DRC9: variants seen among roughly 807,000 people sequenced by gnomAD.
The protein encoded by DRC9 is dynein regulatory complex protein 9.
chr3:197,932,144 CA>C, the DRC9 span: 1 of 1,601,886 alleles, frequency 6.2e-7, no homozygotes. Flanking sequence ...TAAAATACAG[CA>C]AAGCAAGTAA....
the DRC9 span, among the ~76,000 whole-genome samples, chr3:197,915,688 G>C: frequency 4.7e-4 from 71 of 151,950 alleles, no homozygotes; most frequent in African/African-American, 1.7e-3. Context: ...GGAGTGTAGT[G>C]GCATGATCTT....
the DRC9 span, among the ~76,000 whole-genome samples, chr3:197,907,982 T>C: frequency 7.0e-6 from 1 of 142,646 alleles, no homozygotes; most frequent in African/African-American, 2.7e-5. Context: ...AGAGCAACCC[T>C]TTCCCAGGCA....
At chr3:197,904,576 A>G in the DRC9 span, among the ~76,000 whole-genome samples, 1 of 152,126 alleles carries the variant, frequency 6.6e-6, no homozygotes, top group South Asian at 2.1e-4. Context: ...GGATAAAGAA[A>G]AGGTGGGGCC....
chr3:197,942,841 G>C, the DRC9 span, among the ~76,000 whole-genome samples: 1 of 150,116 alleles, frequency 6.7e-6, no homozygotes, highest in African/African-American at 2.5e-5. Context: ...CCGGGAGGCG[G>C]AGGTTGCGGT....
At chr3:197,893,396 A>C in the DRC9 span, among the ~76,000 whole-genome samples, 16 of 149,010 alleles carry the variant, frequency 1.1e-4, no homozygotes, top group African/African-American at 4.0e-4. Context: ...GGAGGAGGGT[A>C]ATCTAGATGT....
chr3:197,942,191 G>A, the DRC9 span, among the ~76,000 whole-genome samples: 7 of 151,880 alleles, frequency 4.6e-5, no homozygotes, highest in East Asian at 1.9e-4. Flanking sequence ...TATCCCAAAC[G>A]TCTCCTGACT....
the DRC9 span, among the ~76,000 whole-genome samples, chr3:197,921,628 G>A: frequency 6.6e-6 from 1 of 151,804 alleles, no homozygotes; most frequent in Admixed American, 6.6e-5. Flanking sequence ...TGGTCGACCC[G>A]ACTACTGGTT....
chr3:197,953,964 A>G, the DRC9 span: 2 of 1,610,180 alleles, frequency 1.2e-6, no homozygotes, highest in Non-Finnish European at 1.7e-6. Flanking sequence ...ATCCAACTAT[A>G]TCAGCTTGTA....
At chr3:197,924,098 G>A in the DRC9 span, among the ~76,000 whole-genome samples, 1 of 152,012 alleles carries the variant, frequency 6.6e-6, no homozygotes, top group East Asian at 1.9e-4. Context: ...GCTCACACCT[G>A]TAATCTCAAC....
At chr3:197,945,311 C>T in the DRC9 span, among the ~76,000 whole-genome samples, 20 of 152,288 alleles carry the variant, frequency 1.3e-4, no homozygotes, top group South Asian at 4.1e-3. Flanking sequence ...CGGCAGCCTG[C>T]ACCAACTTGC....
At chr3:197,951,021 G>T in the DRC9 span, 12 of 1,606,974 alleles carry the variant, frequency 7.5e-6, no homozygotes, top group East Asian at 2.7e-4. Flanking sequence ...TGTGTTAGAC[G>T]TGAACGTAAA....
chr3:197,939,655 C>A, the DRC9 span, among the ~76,000 whole-genome samples: 2 of 152,206 alleles, frequency 1.3e-5, no homozygotes, highest in African/African-American at 4.8e-5. Context: ...TCTGTGTCCC[C>A]ATTTTCCCAC....
the DRC9 span, among the ~76,000 whole-genome samples, chr3:197,921,102 C>T: frequency 0.091 from 9,636 of 106,008 alleles, 881 homozygotes; most frequent in African/African-American, 0.16. Context: ...GGGATTTCAC[C>T]TGATTTCATC....
At chr3:197,952,352 T>C in the DRC9 span, among the ~76,000 whole-genome samples, 4 of 151,870 alleles carry the variant, frequency 2.6e-5, no homozygotes, top group Non-Finnish European at 5.9e-5. Context: ...GTATATTTAG[T>C]AGAGATGGGG....
At chr3:197,922,713 A>AAAATAAATAAAT in the DRC9 span, among the ~76,000 whole-genome samples, 3,218 of 100,914 alleles carry the variant, frequency 0.032, 118 homozygotes, top group African/African-American at 0.14. Flanking sequence ...CTCAAAAATA[A>AAAATAAATAAAT]AAATAAATAA....
At chr3:197,928,103 T>A in the DRC9 span, among the ~76,000 whole-genome samples, 1 of 152,128 alleles carries the variant, frequency 6.6e-6, no homozygotes. Context: ...ACTTAAAGTA[T>A]CAAATGCAAA....
chr3:197,932,095 T>A, the DRC9 span: 1 of 1,496,184 alleles, frequency 6.7e-7, no homozygotes, highest in Non-Finnish European at 9.1e-7. Flanking sequence ...TGGTTTGCTT[T>A]AAAATTCAAG....
At chr3:197,925,785 T>A in the DRC9 span, among the ~76,000 whole-genome samples, 1 of 151,956 alleles carries the variant, frequency 6.6e-6, no homozygotes, top group Non-Finnish European at 1.5e-5. Flanking sequence ...GGTTTCACCA[T>A]GTTGGCCAGG....
At chr3:197,943,625 C>A in the DRC9 span, 19 of 705,004 alleles carry the variant, frequency 2.7e-5, no homozygotes, top group African/African-American at 3.7e-4. Context: ...GGCCACAGAG[C>A]GAGACCCTGT....
Sources: gnomAD v4.1 joint callset for allele counts (sites outside exome capture counted in the v4.1 genomes callset) on GRCh38, gnomAD v4.1.1 for gene constraint, MANE v1.5 for transcripts, NCBI Gene and HGNC (gene_info 2026-07-23, HGNC 2026-07-21) for gene names.